FAM13B: variants seen among roughly 807,000 people sequenced by gnomAD.
FAM13B encodes the protein protein FAM13B.
In FAM13B, 60 loss-of-function variants were observed where a neutral mutation model predicts 117.3. That is an observed-to-expected ratio of 0.51 (90% CI 0.42 to 0.63). The LOEUF (loss-of-function observed/expected upper bound fraction) is 0.63, where lower values mean the gene tolerates loss of function less well. Among genes scored for constraint, FAM13B ranks in the 30% least tolerant of loss-of-function variants. The pLI is 0.00. For synonymous variants in FAM13B, 332 were observed against 356.1 expected (o/e 0.93, Z 0.76); for missense variants, 972 against 1,091.9 (o/e 0.89, Z 1.55).
At chr5:137,968,617 G>A (rs1011071322) in intron 10 of FAM13B, among the ~76,000 whole-genome samples, 10 of 152,218 alleles carry the variant, frequency 6.6e-5, no homozygotes, top group East Asian at 5.8e-4. Context: ...CAAGATGGCC[G>A]AATAGGAACG....
chr5:138,047,866 G>T (rs1791687561), intron 1 of FAM13B, among the ~76,000 whole-genome samples: 1 of 152,238 alleles, frequency 6.6e-6, no homozygotes, highest in African/African-American at 2.4e-5. Flanking sequence ...CTAGGGGCCT[G>T]ACTTTAGCCC....
rs554743484 is a variant in FAM13B at position 138,024,812 on chromosome 5, C to G, written c.-202-3615G>C. On this transcript the variant is annotated intron_variant, in intron 1 of 23. Coordinates refer to ENST00000689681, the MANE Select transcript of FAM13B (RefSeq NM_001385994.1). ...AAATTTATACACACACACACACACA[C>G]AGAGAGAGAGAGAGAGAGAGAGAAA... 1.3e-3 allele frequency among the ~76,000 whole-genome samples: 184 copies of G among 144,362 alleles called. 4 individuals carry two copies. Among genetic ancestry groups the G allele is most frequent in the Middle Eastern group, 7.2e-3 (2 of 278 alleles). The allele number at this position is 144,362 out of a possible 152,430, so 94.7% of individuals were successfully genotyped here.
intron 10 of FAM13B, among the ~76,000 whole-genome samples, chr5:137,967,046 G>T (rs551531355): frequency 6.6e-6 from 1 of 151,080 alleles, no homozygotes; most frequent in Non-Finnish European, 1.5e-5. Flanking sequence ...AAAGAAGAAA[G>T]TTAGCTTATA....
intron 4 of FAM13B, among the ~76,000 whole-genome samples, chr5:138,013,094 T>G (rs1485041090): frequency 1.3e-5 from 2 of 151,946 alleles, no homozygotes; most frequent in Non-Finnish European, 2.9e-5. Context: ...TCCCAGCTAC[T>G]CAGGAGGCTG....
chr5:137,972,688 C>T (rs899313245), intron 10 of FAM13B, among the ~76,000 whole-genome samples: 2 of 151,902 alleles, frequency 1.3e-5, no homozygotes, highest in African/African-American at 4.8e-5. Flanking sequence ...TTGCAGACGA[C>T]ATGATTGTAT....
chr5:137,957,453 T>C lies in FAM13B; in HGVS notation c.1442-911A>G, dbSNP rs146809267. Among the ~76,000 whole-genome samples the C allele has an allele frequency of 7.8e-3, 1,183 of 151,164 alleles. 15 individuals are homozygous for C. The highest frequency in any genetic ancestry group is 0.027 in the African/African-American group (1,090 of 41,032). ...TACTCAGGAGGCTGAGGCAGGAGAA[T>C]TGCTTGAACCTGCGAGGCGGAAGTT... On this transcript the variant is annotated intron_variant, in intron 13 of 23. Coordinates refer to ENST00000689681, the MANE Select transcript of FAM13B (RefSeq NM_001385994.1).
intron 1 of FAM13B, 86 bp downstream of exon 1, chr5:138,032,696 G>C (rs1790465223): frequency 4.1e-6 from 4 of 983,010 alleles, no homozygotes; most frequent in Non-Finnish European, 3.6e-6. Flanking sequence ...GGTGGCAGGC[G>C]GCGCTGGGGG....
In FAM13B at chr5:137,939,772, T is replaced by C. The variant is rs1761107849; in HGVS notation, c.*453A>G. 6.1e-6 allele frequency: 6 copies of C among 984,456 alleles called. No homozygotes were observed. The highest frequency in any genetic ancestry group is 4.1e-4 in the Middle Eastern group (1 of 2,428). The allele number at this position is 984,456 out of a possible 1,614,324, so 61.0% of individuals were successfully genotyped here. A position where few individuals can be genotyped will look rare whatever the true frequency, so the allele number is the denominator to read the frequency against. The stretch of plus-strand genomic sequence containing the variant: ...ACACAGTTGCGTATGTGCACTTTTA[T>C]AGGCTTTTCTTTCAAATTTTCAGTC... On this transcript the variant is annotated 3_prime_UTR_variant, in exon 24 of 24. Transcript: ENST00000689681.
intron 7 of FAM13B, among the ~76,000 whole-genome samples, chr5:137,989,072 T>C (rs529440153): frequency 7.2e-5 from 11 of 152,368 alleles, no homozygotes; most frequent in East Asian, 3.9e-4. Flanking sequence ...TAAATGGCAC[T>C]GTGTGCCTAA....
intron 10 of FAM13B, among the ~76,000 whole-genome samples, chr5:137,962,872 T>G (rs1768553120): frequency 6.6e-6 from 1 of 152,030 alleles, no homozygotes; most frequent in Non-Finnish European, 1.5e-5. Flanking sequence ...TTCACTAGAT[T>G]CCTTTGTATA....
intron 10 of FAM13B, 64 bp downstream of exon 10, chr5:137,985,193 C>G (rs1776874981): frequency 6.6e-7 from 1 of 1,507,978 alleles, no homozygotes; most frequent in Non-Finnish European, 9.0e-7. Context: ...TAACTTCTGG[C>G]ATCAAAGAAA....
At chr5:138,002,664 ATTT>A (rs70979561) in intron 7 of FAM13B, among the ~76,000 whole-genome samples, 1 of 120,326 alleles carries the variant, frequency 8.3e-6, no homozygotes, top group African/African-American at 3.2e-5. Context: ...TGTTCCCTCT[ATTT>A]TTTTTTTTTT....
intron 7 of FAM13B, among the ~76,000 whole-genome samples, chr5:137,998,924 G>A (rs553967053): frequency 6.6e-6 from 1 of 152,332 alleles, no homozygotes; most frequent in East Asian, 1.9e-4. Context: ...AGATGGTGCT[G>A]CCTGTTATCA....
chr5:137,973,655 G>C (rs531776995), intron 10 of FAM13B, among the ~76,000 whole-genome samples: 1 of 152,112 alleles, frequency 6.6e-6, no homozygotes, highest in South Asian at 2.1e-4. Context: ...ACTACCATCA[G>C]AGTGAACAGG....
intron 7 of FAM13B, among the ~76,000 whole-genome samples, chr5:137,993,250 T>C (rs1045694827): frequency 1.8e-4 from 28 of 152,202 alleles, no homozygotes; most frequent in Admixed American, 6.5e-5. Flanking sequence ...TTCACAGATG[T>C]GTGTGGTTAC....
At chr5:138,011,641 A>G (rs1784049413) in intron 5 of FAM13B, 127 bp downstream of exon 5, 1 of 600,398 alleles carries the variant, frequency 1.7e-6, no homozygotes. Context: ...GATGGTCTCA[A>G]TCTCCTGACC....
intron 1 of FAM13B, among the ~76,000 whole-genome samples, chr5:138,025,404 C>G (rs1165662088): frequency 6.9e-6 from 1 of 145,160 alleles, no homozygotes; most frequent in Non-Finnish European, 1.5e-5. Flanking sequence ...AACTCCTGGG[C>G]TCAAGCAAAC....
chr5:137,985,469 TA>T, intron 9 of FAM13B, 80 bp from the exon 10 acceptor site: 1 of 1,351,554 alleles, frequency 7.4e-7, no homozygotes, highest in Non-Finnish European at 1.0e-6. Flanking sequence ...TAAATATCAA[TA>T]ATGATCTGAA....
In FAM13B at chr5:137,989,004, T is replaced by C. The variant is rs146985574; in HGVS notation, c.849-689A>G. On this transcript the variant is annotated intron_variant, in intron 7 of 23. Transcript: ENST00000689681. Reference sequence around the variant, plus strand: ...TTTAGGTGAACAGTAGTATTAGCCATTGATGAATACAGGTAATTTTTAAAA... The same window carrying C: ...TTTAGGTGAACAGTAGTATTAGCCACTGATGAATACAGGTAATTTTTAAAA... 9.8e-5 allele frequency among the ~76,000 whole-genome samples: 15 copies of C among 152,320 alleles called. 1 individual carries two copies. The East Asian group carries it at 2.7e-3, about 27-fold the overall frequency.
Sources: gnomAD v4.1 joint callset for allele counts (sites outside exome capture counted in the v4.1 genomes callset) on GRCh38, gnomAD v4.1.1 for gene constraint, MANE v1.5 for transcripts, NCBI Gene and HGNC (gene_info 2026-07-23, HGNC 2026-07-21) for gene names.